The following KDM2A variants were observed in gnomAD, a reference collection of about 807,000 sequenced individuals.
KDM2A encodes lysine-specific demethylase 2A.
A neutral mutation model predicts 137.3 loss-of-function variants in KDM2A; 3 were observed. That is an observed-to-expected ratio of 0.02 (90% confidence interval 0.01 to 0.06). The LOEUF (loss-of-function observed/expected upper bound fraction) is 0.06, where lower values mean the gene tolerates loss of function less well. Ranked by LOEUF, KDM2A falls within the 10% of genes least tolerant of loss-of-function variation. The pLI, the probability that KDM2A is intolerant of heterozygous loss-of-function variation, is 1.00. For synonymous variants in KDM2A, 512 were observed against 541.5 expected (o/e 0.95, Z 0.76); for missense variants, 738 against 1,510.6 (o/e 0.49, Z 8.48).
chr11:67,233,472 T>G (rs1208531283), intron 12 of KDM2A, among the ~76,000 whole-genome samples: 1 of 101,082 alleles, frequency 9.9e-6, no homozygotes, highest in Non-Finnish European at 1.9e-5. Context: ...GCCAAGATGG[T>G]AAAACCCCGT....
chr11:67,148,748 C>G (rs1856315094), intron 2 of KDM2A, among the ~76,000 whole-genome samples: 1 of 152,106 alleles, frequency 6.6e-6, no homozygotes, highest in African/African-American at 2.4e-5. Flanking sequence ...TTGCAGTGAG[C>G]TGAGATCATG....
intron 16 of KDM2A, 102 bp from the exon 17 acceptor site, chr11:67,249,984 C>G: frequency 1.0e-6 from 1 of 971,522 alleles, no homozygotes; most frequent in Non-Finnish European, 1.5e-6. Flanking sequence ...CGTGACCTTT[C>G]TTCTCTCTGG....
intron 12 of KDM2A, among the ~76,000 whole-genome samples, chr11:67,235,541 G>A (rs1394340416): frequency 6.6e-6 from 1 of 151,136 alleles, no homozygotes; most frequent in Non-Finnish European, 1.5e-5. Context: ...GACCTCAGAT[G>A]ATCCACCCGC....
intron 2 of KDM2A, among the ~76,000 whole-genome samples, chr11:67,139,364 C>T (rs1324143708): frequency 6.6e-6 from 1 of 152,070 alleles, no homozygotes; most frequent in Non-Finnish European, 1.5e-5. Flanking sequence ...CCTGCCTGAG[C>T]CTCCCAAGTA....
At chr11:67,224,094 C>A (rs1565412373) in intron 10 of KDM2A, among the ~76,000 whole-genome samples, 1 of 152,208 alleles carries the variant, frequency 6.6e-6, no homozygotes, top group South Asian at 2.1e-4. Context: ...AGAGTGATCT[C>A]CTTATTCCCC....
chr11:67,122,643 T>TTTTTTTTA (rs1855623198), intron 2 of KDM2A, among the ~76,000 whole-genome samples: 1 of 144,644 alleles, frequency 6.9e-6, no homozygotes, highest in South Asian at 2.2e-4. Context: ...TTTTATTTAT[T>TTTTTTTTA]TTTATTTATT....
rs2136460847 is a variant in KDM2A at position 67,250,504 on chromosome 11, C to T, written c.2474C>T (p.Ser825Phe). The T allele has an allele frequency of 1.9e-6, 3 of 1,613,938 alleles. No individual in the cohort carries two copies. In the East Asian group the frequency reaches 6.7e-5, roughly 36 times the overall value. ...CCCAAGCTGCAGGCCATCACGGCCT[C>T]CTCTGCCAACCTTCGCCATTCCCCC... ...IVPKLQAITA[S>F]SANLRHSPRV... The change falls in exon 17 of 21, where the codon TCC (serine) becomes TTC (phenylalanine). Residue 825 changes from serine to phenylalanine, a missense_variant. Around this residue, in one of 9 missense-constraint regions of KDM2A, gnomAD observed 244 missense variants for 324.6 expected, o/e 0.75. Transcript: ENST00000529006. This position sits in a 1 kb window ranked among gnomAD's most constrained non-coding sequence, Gnocchi z 7.1.
intron 12 of KDM2A, among the ~76,000 whole-genome samples, chr11:67,236,569 A>G (rs1440952211): frequency 6.6e-6 from 1 of 152,210 alleles, no homozygotes; most frequent in African/African-American, 2.4e-5. Flanking sequence ...TAATAAAGCA[A>G]ATTCAATATT....
chr11:67,169,715 TTCTCTCTCTCTCTCTCCTTCTC>T (rs1856832838), intron 2 of KDM2A, among the ~76,000 whole-genome samples: 1 of 136,936 alleles, frequency 7.3e-6, no homozygotes, highest in African/African-American at 2.5e-5. Context: ...TTCTTTTTTC[TTCTCTCTCTCTCTCTCCTTCTC>T]TCTCTCTCTC....
At chr11:67,146,136 C>T (rs538268916) in intron 2 of KDM2A, among the ~76,000 whole-genome samples, 17 of 151,524 alleles carry the variant, frequency 1.1e-4, no homozygotes, top group African/African-American at 3.9e-4. Flanking sequence ...GGATTTCAGG[C>T]GCATACCACC....
chr11:67,179,334 C>T (rs1255675693), intron 2 of KDM2A, among the ~76,000 whole-genome samples: 1 of 152,146 alleles, frequency 6.6e-6, no homozygotes, highest in African/African-American at 2.4e-5. Flanking sequence ...AATGCAATGG[C>T]ACGATCTTGG....
At chr11:67,174,747 A>G (rs1856943823) in intron 2 of KDM2A, among the ~76,000 whole-genome samples, 1 of 152,224 alleles carries the variant, frequency 6.6e-6, no homozygotes, top group East Asian at 1.9e-4. Flanking sequence ...TCTAAATAAC[A>G]TGATTTTGCT....
Position 67,243,083 on chromosome 11 carries a change from A to G in KDM2A, c.1554A>G (p.Lys518=), listed in dbSNP as rs759935290. 1 of 1,611,792 alleles carries G rather than the reference A, an allele frequency of 6.2e-7. No individual in the cohort carries two copies. The highest frequency in any genetic ancestry group is 1.1e-5 in the South Asian group (1 of 91,060). Residue 518 remains lysine, a synonymous_variant, in exon 13 of 21, where the codon AAA becomes AAG. Coordinates refer to ENST00000529006, the MANE Select transcript of KDM2A (RefSeq NM_012308.3). ...LTGVPIVQWP[K]RDKLKFPTRP... The stretch of plus-strand genomic sequence containing the variant: ...GAGTTCCTATAGTACAGTGGCCAAA[A>G]AGGGATAAGGTAAGAAACTATTTTC...
At position 67,250,595 on chromosome 11, in the gene KDM2A, A is replaced by AGAGGAGGAGGAAGAGGAGGAG; in HGVS notation, c.2580_2600dup (p.Glu860_Glu866dup). ...GTGGGGATGAGGAGGGGCTGGGGGG[A>AGAGGAGGAGGAAGAGGAGGAG]GAGGAGGAGGAAGAGGAGGAGGAGG... is the stretch of plus-strand genomic sequence containing the variant. On this transcript the variant is annotated inframe_insertion, in exon 17 of 21. Transcript: ENST00000529006. The surrounding 1 kb of genome is among the most constrained non-coding windows in gnomAD (Gnocchi z 7.1). 6 of 1,611,356 alleles carry AGAGGAGGAGGAAGAGGAGGAG rather than the reference A, an allele frequency of 3.7e-6. No individual in the cohort carries two copies. Among genetic ancestry groups the AGAGGAGGAGGAAGAGGAGGAG allele is most frequent in the Non-Finnish European group, 5.1e-6 (6 of 1,178,474 alleles).
intron 10 of KDM2A, among the ~76,000 whole-genome samples, chr11:67,227,178 G>A (rs138488443): frequency 8.1e-4 from 124 of 152,282 alleles, no homozygotes; most frequent in African/African-American, 3.0e-3. Flanking sequence ...ACATTAATCT[G>A]GTTTGTGGAC....
At chr11:67,231,188 A>G (rs977180593) in intron 11 of KDM2A, among the ~76,000 whole-genome samples, 1 of 152,126 alleles carries the variant, frequency 6.6e-6, no homozygotes, top group African/African-American at 2.4e-5. Context: ...TTAAACATAC[A>G]TGCTTCTTAG....
intron 5 of KDM2A, among the ~76,000 whole-genome samples, chr11:67,200,121 A>C (rs1256211938): frequency 1.3e-5 from 2 of 151,608 alleles, no homozygotes; most frequent in Non-Finnish European, 2.9e-5. Context: ...CTCAGGAAAA[A>C]AGGTTCCTTT....
intron 10 of KDM2A, among the ~76,000 whole-genome samples, chr11:67,223,659 C>T (rs1003957893): frequency 6.6e-6 from 1 of 152,140 alleles, no homozygotes; most frequent in South Asian, 2.1e-4. Flanking sequence ...GTCCTCCAGC[C>T]TCAGGCCCCC....
intron 10 of KDM2A, among the ~76,000 whole-genome samples, chr11:67,227,593 G>A (rs917679859): frequency 6.6e-6 from 1 of 151,786 alleles, no homozygotes; most frequent in Non-Finnish European, 1.5e-5. Flanking sequence ...TTGTTCAGAC[G>A]GAGTCTCACT....
Sources: allele counts gnomAD v4.1 joint callset (sites outside exome capture counted in the v4.1 genomes callset), GRCh38; gene constraint gnomAD v4.1.1; regional missense constraint gnomAD v4.1.1; non-coding constraint Gnocchi (gnomAD v3.1); transcripts MANE v1.5; gene names NCBI Gene and HGNC (gene_info 2026-07-23, HGNC 2026-07-21).